The following CFAP161 variants were observed in gnomAD, a reference collection of about 807,000 sequenced individuals.
CFAP161 encodes the protein cilia and flagella associated protein 161.
CFAP161 carries 25 observed loss-of-function variants against 29.0 expected under a neutral mutation model. The ratio of observed to expected loss-of-function variants is 0.86; its 90% CI spans 0.63 to 1.20. The LOEUF is 1.20. CFAP161 is among the 50% of genes most tolerant of loss of function. CFAP161 has a pLI of 0.00. For missense variants in CFAP161, 367 were observed against 371.9 expected (o/e 0.99, Z 0.11); for synonymous variants, 116 against 137.4 (o/e 0.84, Z 1.09).
chr15:81,112,601 G>A, intron 1 of CFAP161, among the ~76,000 whole-genome samples: 1 of 152,086 alleles, frequency 6.6e-6, no homozygotes, highest in Non-Finnish European at 1.5e-5. Flanking sequence ...AGGTAGGGAG[G>A]GATGGGGAAT....
At position 81,111,060 on chromosome 15, in the gene CFAP161, T is replaced by A. The variant is rs1894434045; in HGVS notation, c.-141-16530T>A. On this transcript the variant is annotated intron_variant, in intron 1 of 4. Transcript: ENST00000560091. ...AAATGATTATGTAGTTCTGTTAAAC[T>A]GGATTATTTTCAATATCCTGTCTGC... Among the ~76,000 whole-genome samples, 4 of 152,270 alleles carry A rather than the reference T, an allele frequency of 2.6e-5. No homozygotes were observed. The South Asian group carries it at 8.3e-4, about 31-fold the overall frequency.
At chr15:81,106,306 C>T (rs1894371734) in intron 1 of CFAP161, among the ~76,000 whole-genome samples, 1 of 152,152 alleles carries the variant, frequency 6.6e-6, no homozygotes, top group African/African-American at 2.4e-5. Context: ...AGGAGTGAAA[C>T]CTAAGACTAT....
chr15:81,104,921 C>T (rs944169784), intron 1 of CFAP161, among the ~76,000 whole-genome samples: 4 of 152,086 alleles, frequency 2.6e-5, no homozygotes, highest in African/African-American at 9.7e-5. Flanking sequence ...AATATATTCT[C>T]CTATGGTTCT....
intron 5 of CFAP161, among the ~76,000 whole-genome samples, chr15:81,146,118 T>C (rs1293579880): frequency 6.6e-6 from 1 of 152,196 alleles, no homozygotes; most frequent in Non-Finnish European, 1.5e-5. Context: ...CTTGTTTTTG[T>C]TTTGACCCCT....
rs932404213 is a variant in CFAP161, at chr15:81,148,945, G to A, written c.*412G>A. 1.3e-5 allele frequency: 2 copies of A among 154,048 alleles called. No homozygotes were observed. The highest frequency in any genetic ancestry group is 6.5e-5 in the Admixed American group (1 of 15,446). The allele number at this position is 154,048 out of a possible 1,614,324, so 9.5% of individuals were successfully genotyped here. On this transcript the variant is annotated 3_prime_UTR_variant, in exon 7 of 7. Coordinates refer to ENST00000286732, the MANE Select transcript of CFAP161 (RefSeq NM_173528.4). The stretch of plus-strand genomic sequence containing the variant: ...TGTACTAAAACACAAAAAACTGACA[G>A]CTCTGAGCTGTGGCCTTACCTTGGA...
At chr15:81,135,416 C>G (rs987081988) in intron 2 of CFAP161, 57 bp downstream of exon 2, 12 of 1,229,036 alleles carry the variant, frequency 9.8e-6, no homozygotes, top group Non-Finnish European at 1.4e-5. Context: ...GCACAACGTG[C>G]AGGTTTGTTA....
At chr15:81,125,584 C>A (rs1894630377) in intron 1 of CFAP161, among the ~76,000 whole-genome samples, 1 of 152,070 alleles carries the variant, frequency 6.6e-6, no homozygotes, top group Non-Finnish European at 1.5e-5. Context: ...AATTTAAAAA[C>A]CAGTTTATTT....
chr15:81,109,040 G>A (rs1448704819), intron 1 of CFAP161, among the ~76,000 whole-genome samples: 1 of 152,154 alleles, frequency 6.6e-6, no homozygotes, highest in Non-Finnish European at 1.5e-5. Flanking sequence ...AGAGGAGTGA[G>A]CAGGAGCATT....
At chr15:81,115,176 T>C (rs2457382) in intron 1 of CFAP161, among the ~76,000 whole-genome samples, 77,506 of 152,032 alleles carry the variant, frequency 0.51, 21,969 homozygotes, top group Non-Finnish European at 0.66. Flanking sequence ...AAACTCTTTC[T>C]TCATGGCCTT....
At chr15:81,144,470 C>T (rs1012913172) in intron 5 of CFAP161, among the ~76,000 whole-genome samples, 5 of 152,074 alleles carry the variant, frequency 3.3e-5, no homozygotes, top group Admixed American at 6.6e-5. Context: ...GTGGCACACA[C>T]CTGTAATCCA....
chr15:81,118,670 C>T (rs1476072531), intron 1 of CFAP161, among the ~76,000 whole-genome samples: 2 of 152,228 alleles, frequency 1.3e-5, no homozygotes, highest in African/African-American at 2.4e-5. Flanking sequence ...CCGCGCCCCA[C>T]GAGGGCCGCA....
intron 1 of CFAP161, among the ~76,000 whole-genome samples, chr15:81,119,623 A>G (rs1230256169): frequency 6.6e-6 from 1 of 152,210 alleles, no homozygotes; most frequent in African/African-American, 2.4e-5. Context: ...TAGTATCTCT[A>G]CAAGATGAGA....
chr15:81,144,784 CAA>C (rs57014546), intron 5 of CFAP161, among the ~76,000 whole-genome samples: 34 of 105,780 alleles, frequency 3.2e-4, no homozygotes, highest in Admixed American at 5.2e-4. Flanking sequence ...GACCGTGTCT[CAA>C]AAAAAAAAAA....
intron 6 of CFAP161, 51 bp downstream of exon 6, chr15:81,147,982 T>C: frequency 7.0e-7 from 1 of 1,438,038 alleles, no homozygotes; most frequent in Non-Finnish European, 9.6e-7. Flanking sequence ...CTGGGGGCCA[T>C]GAATATAAGC....
chr15:81,116,674 G>A (rs1894502916), intron 1 of CFAP161, among the ~76,000 whole-genome samples: 1 of 152,166 alleles, frequency 6.6e-6, no homozygotes, highest in African/African-American at 2.4e-5. Context: ...TTTGTAGTGT[G>A]AGTATCTCTG....
Position 81,143,670 on chromosome 15 carries a change from G to C in CFAP161, c.486G>C (p.Leu162Phe). The stretch of plus-strand genomic sequence containing the variant: ...CTTGCTGTCATTTTCAGTTGTATTT[G>C]TCAAGTGACCACAGGACCCTCCTGA... ...TGGFDNKMLY[L>F]SSDHRTLLKS... The change falls in exon 5 of 7, where the codon TTG becomes TTC. Residue 162 changes from leucine (L) to phenylalanine (F), a missense_variant. Transcript: ENST00000286732. 1 of 1,611,296 alleles carries C rather than the reference G, an allele frequency of 6.2e-7. No individual in the cohort carries two copies. The highest frequency in any genetic ancestry group is 8.5e-7 in the Non-Finnish European group (1 of 1,178,148).
At chr15:81,135,179 G>T in intron 1 of CFAP161, 91 bp from the exon 2 acceptor site, 1 of 754,678 alleles carries the variant, frequency 1.3e-6, no homozygotes, top group Non-Finnish European at 2.1e-6. Flanking sequence ...CTCAAATTTT[G>T]CTTTTTCAAC....
upstream of CFAP161, among the ~76,000 whole-genome samples, chr15:81,132,995 G>A (rs557749892): frequency 6.6e-6 from 1 of 151,702 alleles, no homozygotes; most frequent in Non-Finnish European, 1.5e-5. Context: ...GACAGAGCTG[G>A]TGGATTCATC....
intron 1 of CFAP161, among the ~76,000 whole-genome samples, chr15:81,121,096 A>C: frequency 6.6e-6 from 1 of 152,292 alleles, no homozygotes; most frequent in African/African-American, 2.4e-5. Context: ...ATTTCCTTCT[A>C]ATTATAGCCA....
Sources: gnomAD v4.1 joint callset for allele counts (sites outside exome capture counted in the v4.1 genomes callset) on GRCh38, gnomAD v4.1.1 for gene constraint, MANE v1.5 for transcripts, NCBI Gene and HGNC (gene_info 2026-07-23, HGNC 2026-07-21) for gene names.